Variants in DLGAP2 observed in about 807,000 individuals in gnomAD.
DLGAP2 encodes disks large-associated protein 2.
Under a neutral mutation model 100.3 loss-of-function variants are expected in DLGAP2, and 26 were observed. The observed-to-expected ratio is 0.26, with a 90% CI of 0.19 to 0.36. DLGAP2 has a LOEUF of 0.36. Among genes scored for constraint, DLGAP2 ranks in the 10% least tolerant of loss-of-function variants. The pLI, the probability that DLGAP2 is intolerant of heterozygous loss-of-function variation, is 1.00. For missense variants in DLGAP2, 1,858 were observed against 1,453.2 expected (o/e 1.28, Z -4.53); for synonymous variants, 886 against 630.1 (o/e 1.41, Z -6.08).
chr8:1,148,466 C>G (rs1796644037), intron 2 of DLGAP2, among the ~76,000 whole-genome samples: 1 of 151,644 alleles, frequency 6.6e-6, no homozygotes, highest in Non-Finnish European at 1.5e-5. Flanking sequence ...CTGCTTTAAT[C>G]TTTGTTGTTT....
chr8:1,392,688 G>C (rs1016042047), intron 3 of DLGAP2, among the ~76,000 whole-genome samples: 6 of 152,236 alleles, frequency 3.9e-5, no homozygotes, highest in Admixed American at 2.0e-4. Context: ...GACTGGGCCA[G>C]GCCTGGGTCA....
intron 2 of DLGAP2, among the ~76,000 whole-genome samples, chr8:954,550 C>T (rs1240671662): frequency 6.6e-6 from 1 of 152,120 alleles, no homozygotes; most frequent in Non-Finnish European, 1.5e-5. Context: ...TGAACTGCAG[C>T]TTCATACATC....
At chr8:748,325 G>T (rs2132568440) in intron 1 of DLGAP2, among the ~76,000 whole-genome samples, 2 of 152,076 alleles carry the variant, frequency 1.3e-5, no homozygotes, top group South Asian at 4.1e-4. Flanking sequence ...TGGTGGGATG[G>T]GCAGGCTCTG....
chr8:1,292,068 C>A (rs895104373), intron 3 of DLGAP2, among the ~76,000 whole-genome samples: 8 of 152,180 alleles, frequency 5.3e-5, no homozygotes, highest in African/African-American at 1.7e-4. Flanking sequence ...GTAGAATGTT[C>A]CAACTCTGAA....
intron 3 of DLGAP2, among the ~76,000 whole-genome samples, chr8:1,376,174 C>T (rs1166509468): frequency 6.6e-6 from 1 of 152,082 alleles, no homozygotes; most frequent in Non-Finnish European, 1.5e-5. Flanking sequence ...CAAACATCAG[C>T]CATGAAAGGA....
At chr8:1,326,127 A>G (rs889699110) in intron 3 of DLGAP2, among the ~76,000 whole-genome samples, 2 of 152,138 alleles carry the variant, frequency 1.3e-5, no homozygotes, top group African/African-American at 4.8e-5. Flanking sequence ...TTGCTATGGT[A>G]TTTTTTGTTT....
At chr8:1,099,201 A>G (rs1431146667) in intron 2 of DLGAP2, among the ~76,000 whole-genome samples, 1 of 152,156 alleles carries the variant, frequency 6.6e-6, no homozygotes, top group African/African-American at 2.4e-5. Context: ...GTGCTCTCAG[A>G]TCCTCTCCGA....
chr8:1,353,188 G>C (rs1695919484), intron 3 of DLGAP2, among the ~76,000 whole-genome samples: 1 of 152,196 alleles, frequency 6.6e-6, no homozygotes. Flanking sequence ...GGCAGGTAAG[G>C]ATGTCCTGCA....
intron 7 of DLGAP2, among the ~76,000 whole-genome samples, chr8:1,627,925 A>C (rs1191547661): frequency 6.7e-6 from 1 of 150,060 alleles, no homozygotes; most frequent in Non-Finnish European, 1.5e-5. Context: ...TTTCTGACTT[A>C]CTGTGGAGCA....
intron 2 of DLGAP2, among the ~76,000 whole-genome samples, chr8:909,181 A>T (rs897641809): frequency 6.6e-6 from 1 of 152,164 alleles, no homozygotes; most frequent in African/African-American, 2.4e-5. Flanking sequence ...GCTTACAGGG[A>T]AGCTTGTTGA....
At chr8:1,171,649 G>C (rs1007769118) in intron 2 of DLGAP2, among the ~76,000 whole-genome samples, 3 of 152,096 alleles carry the variant, frequency 2.0e-5, no homozygotes, top group African/African-American at 4.8e-5. Context: ...GGCCTTCTTT[G>C]TCAACTTTGA....
intron 2 of DLGAP2, among the ~76,000 whole-genome samples, chr8:913,000 G>C (rs1386479183): frequency 6.6e-6 from 1 of 152,244 alleles, no homozygotes; most frequent in Non-Finnish European, 1.5e-5. Context: ...TTGTTTAGTT[G>C]TGCATTGGCA....
At chr8:1,271,995 G>A (rs1256262181) in intron 3 of DLGAP2, among the ~76,000 whole-genome samples, 1 of 151,980 alleles carries the variant, frequency 6.6e-6, no homozygotes, top group African/African-American at 2.4e-5. Context: ...ATTTTTTTTA[G>A]TAGAGATGGG....
chr8:1,264,964 G>A (rs1474951824), intron 3 of DLGAP2, among the ~76,000 whole-genome samples: 1 of 152,202 alleles, frequency 6.6e-6, no homozygotes, highest in Non-Finnish European at 1.5e-5. Context: ...CTGCTGCCAT[G>A]TAAGACATGC....
chr8:922,688 T>G (rs978974709), intron 2 of DLGAP2, among the ~76,000 whole-genome samples: 2 of 152,208 alleles, frequency 1.3e-5, no homozygotes, highest in African/African-American at 4.8e-5. Context: ...TACCCTCCCT[T>G]TAAACAGAAG....
intron 2 of DLGAP2, among the ~76,000 whole-genome samples, chr8:1,013,601 C>T (rs1366792569): frequency 6.8e-6 from 1 of 146,658 alleles, no homozygotes; most frequent in Non-Finnish European, 1.5e-5. Context: ...CAGACGGCGC[C>T]TCCACTGTGT....
intron 3 of DLGAP2, among the ~76,000 whole-genome samples, chr8:1,326,855 G>C (rs781527901): frequency 7.9e-5 from 12 of 152,172 alleles, no homozygotes; most frequent in Non-Finnish European, 1.5e-4. Flanking sequence ...TGGTGTTGTA[G>C]TATATGTTGT....
At chr8:1,261,034 C>G (rs934514825) in intron 3 of DLGAP2, among the ~76,000 whole-genome samples, 2 of 152,218 alleles carry the variant, frequency 1.3e-5, no homozygotes, top group Non-Finnish European at 1.5e-5. Flanking sequence ...GGGGAGGAAA[C>G]GTGTTCGTTC....
intron 2 of DLGAP2, among the ~76,000 whole-genome samples, chr8:1,241,572 C>T (rs1019900227): frequency 1.3e-5 from 2 of 152,258 alleles, no homozygotes; most frequent in African/African-American, 2.4e-5. Context: ...ATCCAGTTCT[C>T]TCCTGGGTGG....
Sources: allele counts gnomAD v4.1 joint callset (sites outside exome capture counted in the v4.1 genomes callset), GRCh38; gene constraint gnomAD v4.1.1; transcripts MANE v1.5; gene names NCBI Gene and HGNC (gene_info 2026-07-23, HGNC 2026-07-21).